Variants in SMCO2 observed in about 807,000 individuals in gnomAD.
The protein encoded by SMCO2 is single-pass membrane protein with coiled-coil domains 2.
In SMCO2, 25 loss-of-function variants were observed where a neutral mutation model predicts 29.5. That is an observed-to-expected ratio of 0.85 (90% CI 0.62 to 1.18). SMCO2 has a LOEUF of 1.18. Among genes scored for constraint, SMCO2 ranks in the 50% most tolerant of loss-of-function variants. The pLI is 0.00. For synonymous variants in SMCO2, 117 were observed against 123.3 expected (o/e 0.95, Z 0.34); for missense variants, 348 against 344.5 (o/e 1.01, Z -0.08).
upstream of SMCO2, among the ~76,000 whole-genome samples, chr12:27,463,248 C>A (rs67786386): frequency 0.08 from 12,147 of 152,136 alleles, 618 homozygotes; most frequent in Middle Eastern, 0.13. Flanking sequence ...GGTTCTCTAC[C>A]ATCTTTATTT....
the SMCO2 span, among the ~76,000 whole-genome samples, chr12:27,431,939 C>T: frequency 1.3e-5 from 2 of 152,130 alleles, no homozygotes; most frequent in Non-Finnish European, 2.9e-5. Context: ...TCTTGTTATA[C>T]TCCTATTATT....
intron 7 of SMCO2, chr12:27,498,200 A>G: frequency 3.0e-6 from 1 of 334,484 alleles, no homozygotes; most frequent in South Asian, 3.6e-5. Flanking sequence ...CAGAGGAAAT[A>G]CAGCTGCTTA....
chr12:27,470,825 G>C, intron 2 of SMCO2, 60 bp downstream of exon 2: 2 of 1,520,456 alleles, frequency 1.3e-6, no homozygotes, highest in Non-Finnish European at 1.8e-6. Context: ...GACGTTCTTG[G>C]GCCAGCGGTA....
At chr12:27,460,264 C>A in the SMCO2 span, among the ~76,000 whole-genome samples, 1 of 152,142 alleles carries the variant, frequency 6.6e-6, no homozygotes, top group African/African-American at 2.4e-5. Context: ...TTGACCCTTG[C>A]ACAATGCCGG....
At chr12:27,465,954 C>T (rs935468624), upstream of SMCO2, among the ~76,000 whole-genome samples, 22 of 152,092 alleles carry the variant, frequency 1.4e-4, no homozygotes, top group Non-Finnish European at 4.4e-5. Flanking sequence ...GACTGTTAGG[C>T]CCTTTCCATG....
the SMCO2 span, among the ~76,000 whole-genome samples, chr12:27,451,914 A>T: frequency 1.3e-5 from 2 of 152,118 alleles, no homozygotes; most frequent in African/African-American, 4.8e-5. Flanking sequence ...CTGAAGTGAA[A>T]TCCATAATAG....
chr12:27,426,350 G>T, the SMCO2 span, among the ~76,000 whole-genome samples: 2 of 152,144 alleles, frequency 1.3e-5, no homozygotes, highest in Non-Finnish European at 2.9e-5. Flanking sequence ...CAACTTTGGG[G>T]TAGAAGATGC....
intron 4 of SMCO2, among the ~76,000 whole-genome samples, chr12:27,483,633 C>T (rs1265406803): frequency 1.3e-5 from 2 of 152,068 alleles, no homozygotes; most frequent in East Asian, 3.9e-4. Flanking sequence ...CTTTGTTGCC[C>T]AGGCTGGTCT....
intron 4 of SMCO2, among the ~76,000 whole-genome samples, chr12:27,475,255 T>C (rs973566011): frequency 3.3e-5 from 5 of 152,198 alleles, no homozygotes; most frequent in Non-Finnish European, 5.9e-5. Context: ...CTTTTCCCTA[T>C]TGTATACCTC....
the SMCO2 span, chr12:27,424,825 GT>G: frequency 1.3e-5 from 2 of 152,226 alleles, no homozygotes; most frequent in African/African-American, 4.8e-5. Context: ...TTCTGTTTTT[GT>G]AATGCTTTCA....
At chr12:27,443,792 A>G in the SMCO2 span, among the ~76,000 whole-genome samples, 1 of 152,218 alleles carries the variant, frequency 6.6e-6, no homozygotes, top group Admixed American at 6.5e-5. Flanking sequence ...TACAAGGAAA[A>G]CAATAAAATT....
intron 4 of SMCO2, among the ~76,000 whole-genome samples, chr12:27,478,639 G>T (rs1163600559): frequency 6.6e-6 from 1 of 152,096 alleles, no homozygotes; most frequent in African/African-American, 2.4e-5. Flanking sequence ...TGGGCAGGCT[G>T]GTCCCTAAGC....
chr12:27,500,933 G>A (rs1161127122), intron 7 of SMCO2, among the ~76,000 whole-genome samples: 1 of 150,574 alleles, frequency 6.6e-6, no homozygotes, highest in Non-Finnish European at 1.5e-5. Flanking sequence ...CTCTTCTGAT[G>A]TATTATAGAT....
chr12:27,485,450 G>GCTTTT (rs1484918113), intron 4 of SMCO2, among the ~76,000 whole-genome samples: 3 of 132,046 alleles, frequency 2.3e-5, no homozygotes, highest in African/African-American at 8.4e-5. Context: ...ATTTTTTTAA[G>GCTTTT]TTTTTTTTTT....
chr12:27,460,528 A>G, the SMCO2 span, among the ~76,000 whole-genome samples: 6 of 152,168 alleles, frequency 3.9e-5, no homozygotes, highest in African/African-American at 7.2e-5. Flanking sequence ...GTGAATCATA[A>G]AGGTGAGTCA....
chr12:27,461,376 T>C, the SMCO2 span, among the ~76,000 whole-genome samples: 3 of 152,158 alleles, frequency 2.0e-5, no homozygotes, highest in South Asian at 4.1e-4. Context: ...TAGTACTCAA[T>C]AGGTAGTTTT....
In SMCO2 at chr12:27,501,441, AC is replaced by A. The variant is rs1943076923; in HGVS notation, c.684-481del. On this transcript the variant is annotated intron_variant, in intron 7 of 7. Coordinates refer to ENST00000298876, the Ensembl canonical transcript of SMCO2. ...AAAAAAAAAAAAAAAAAAAAAACAA[AC>A]AAACAAAACAAAACAAAAAAAGCTT... Among the ~76,000 whole-genome samples, 5 of 148,294 alleles carry A rather than the reference AC, an allele frequency of 3.4e-5. 1 individual carries two copies. The highest frequency in any genetic ancestry group is 1.0e-4 in the African/African-American group (4 of 39,324).
At chr12:27,485,139 T>C (rs984437360) in intron 4 of SMCO2, among the ~76,000 whole-genome samples, 1 of 145,706 alleles carries the variant, frequency 6.9e-6, no homozygotes, top group Admixed American at 6.8e-5. Context: ...GCTTTTTTTT[T>C]CTCTCTTTTC....
chr12:27,442,223 A>G, the SMCO2 span, among the ~76,000 whole-genome samples: 1 of 152,172 alleles, frequency 6.6e-6, no homozygotes. Flanking sequence ...GCAGAAATAA[A>G]TGAAATTGAG....
Sources: allele counts gnomAD v4.1 joint callset (sites outside exome capture counted in the v4.1 genomes callset), GRCh38; gene constraint gnomAD v4.1.1; transcripts MANE v1.5; gene names NCBI Gene and HGNC (gene_info 2026-07-23, HGNC 2026-07-21).